The following LRCH1 variants were observed in gnomAD, a reference collection of about 807,000 sequenced individuals.
LRCH1 encodes the protein leucine rich repeats and calponin homology domain containing 1.
Under a neutral mutation model 94.9 loss-of-function variants are expected in LRCH1, and 23 were observed. That is an observed-to-expected ratio of 0.24 (90% CI 0.17 to 0.34). The LOEUF is 0.34. LRCH1 is among the 10% of genes least tolerant of loss of function. The pLI, the probability that LRCH1 is intolerant of heterozygous loss-of-function variation, is 1.00. For missense variants in LRCH1, 790 were observed against 945.9 expected (o/e 0.84, Z 2.16); for synonymous variants, 364 against 354.9 (o/e 1.03, Z -0.29).
intron 3 of LRCH1, among the ~76,000 whole-genome samples, chr13:46,672,483 C>G (rs1336899838): frequency 6.6e-6 from 1 of 152,090 alleles, no homozygotes; most frequent in Non-Finnish European, 1.5e-5. Flanking sequence ...CAGCTGTGCT[C>G]TAGAGCTGTG....
chr13:46,669,905 A>T (rs1039005159), intron 3 of LRCH1, among the ~76,000 whole-genome samples: 1 of 152,234 alleles, frequency 6.6e-6, no homozygotes, highest in African/African-American at 2.4e-5. Flanking sequence ...TGTCAGGCAC[A>T]GGGCTTGATG....
chr13:46,588,892 C>T (rs191214023), intron 1 of LRCH1, among the ~76,000 whole-genome samples: 91 of 152,002 alleles, frequency 6.0e-4, no homozygotes, highest in African/African-American at 2.2e-3. Flanking sequence ...TGTGAGCAAC[C>T]GTGCCCAGCC....
downstream of LRCH1, among the ~76,000 whole-genome samples, chr13:46,747,517 C>T (rs779374520): frequency 6.6e-6 from 1 of 152,226 alleles, no homozygotes; most frequent in Non-Finnish European, 1.5e-5. Flanking sequence ...GTGTCGTTCA[C>T]AGAGATTAGG....
chr13:46,584,994 A>G (rs775773601), intron 1 of LRCH1, among the ~76,000 whole-genome samples: 1 of 148,468 alleles, frequency 6.7e-6, no homozygotes, highest in South Asian at 2.4e-4. Context: ...ATGAAAGAGC[A>G]GAGAATTCTC....
intron 3 of LRCH1, among the ~76,000 whole-genome samples, chr13:46,673,420 A>G (rs2138126210): frequency 6.6e-6 from 1 of 152,346 alleles, no homozygotes; most frequent in East Asian, 1.9e-4. Flanking sequence ...TTTTCCATCC[A>G]TTCTCACTTA....
At chr13:46,626,556 G>A (rs1253406395) in intron 1 of LRCH1, among the ~76,000 whole-genome samples, 3 of 152,062 alleles carry the variant, frequency 2.0e-5, no homozygotes, top group African/African-American at 7.3e-5. Context: ...TAACTTCACC[G>A]CCTATCCCAA....
At chr13:46,711,185 T>G (rs943285754) in intron 13 of LRCH1, among the ~76,000 whole-genome samples, 11 of 152,224 alleles carry the variant, frequency 7.2e-5, no homozygotes, top group Admixed American at 6.5e-4. Context: ...TGGTATTCAG[T>G]GATGCTACCA....
intron 1 of LRCH1, among the ~76,000 whole-genome samples, chr13:46,638,865 A>G (rs2051124638): frequency 6.6e-6 from 1 of 152,200 alleles, no homozygotes; most frequent in African/African-American, 2.4e-5. Context: ...GATCCTCTTT[A>G]CCTTTGCAAG....
chr13:46,730,812 C>A (rs1261364387), intron 18 of LRCH1, among the ~76,000 whole-genome samples: 2 of 152,156 alleles, frequency 1.3e-5, no homozygotes, highest in Non-Finnish European at 2.9e-5. Flanking sequence ...GAGAGAGACA[C>A]AACAGACACC....
intron 1 of LRCH1, among the ~76,000 whole-genome samples, chr13:46,642,174 GTCAC>G (rs2051165775): frequency 2.0e-5 from 3 of 152,226 alleles, no homozygotes; most frequent in Non-Finnish European, 4.4e-5. Context: ...CTGGCCAGAG[GTCAC>G]TTACTTTTAG....
intron 2 of LRCH1, among the ~76,000 whole-genome samples, chr13:46,665,654 G>A (rs1375805211): frequency 1.3e-5 from 2 of 152,180 alleles, no homozygotes; most frequent in African/African-American, 2.4e-5. Context: ...CAGGGACAGT[G>A]ACAAAGAGAC....
chr13:46,627,441 A>G (rs537453348), intron 1 of LRCH1, among the ~76,000 whole-genome samples: 2 of 142,882 alleles, frequency 1.4e-5, no homozygotes, highest in South Asian at 4.7e-4. Flanking sequence ...TTTTAATTTG[A>G]CAGATAAAAA....
rs894022651 is a variant in LRCH1, at chr13:46,736,754, T to TAC, written c.2085+2768_2085+2769dup. 3.9e-5 allele frequency among the ~76,000 whole-genome samples: 6 copies of TAC among 152,110 alleles called. No homozygotes were observed. In the South Asian group the frequency reaches 6.2e-4, roughly 16 times the overall value. ...TCTACTTCTCCATCTATAACTTATC[T>TAC]ACACACACACACAAGCCACAGAGAT... On this transcript the variant is annotated intron_variant, in intron 19 of 19. Coordinates refer to ENST00000389797, the MANE Select transcript of LRCH1 (RefSeq NM_001164211.2).
intron 1 of LRCH1, among the ~76,000 whole-genome samples, chr13:46,576,799 A>C (rs1331357955): frequency 6.6e-6 from 1 of 152,178 alleles, no homozygotes; most frequent in Non-Finnish European, 1.5e-5. Flanking sequence ...ATTACTTCAT[A>C]AGAAATTGCC....
At chr13:46,613,317 GA>G (rs1335531187) in intron 1 of LRCH1, among the ~76,000 whole-genome samples, 1 of 151,984 alleles carries the variant, frequency 6.6e-6, no homozygotes, top group Non-Finnish European at 1.5e-5. Flanking sequence ...TTGAACCAGG[GA>G]GTCAGAGGTT....
intron 1 of LRCH1, among the ~76,000 whole-genome samples, chr13:46,561,217 A>G (rs2050126492): frequency 6.6e-6 from 1 of 152,250 alleles, no homozygotes; most frequent in Non-Finnish European, 1.5e-5. Context: ...TCAACTGACT[A>G]TACCTGAAAT....
At chr13:46,733,870 A>G in intron 18 of LRCH1, 51 bp from the exon 19 acceptor site, 1 of 1,132,096 alleles carries the variant, frequency 8.8e-7, no homozygotes, top group South Asian at 1.5e-5. Flanking sequence ...ATGTTATTAA[A>G]ATGGTTTCTC....
At chr13:46,709,080 T>C (rs1871925691) in intron 13 of LRCH1, among the ~76,000 whole-genome samples, 1 of 152,214 alleles carries the variant, frequency 6.6e-6, no homozygotes, top group Non-Finnish European at 1.5e-5. Flanking sequence ...CTGCAAACAC[T>C]CCATCATTTA....
exon 19 of LRCH1, chr13:46,752,792 A>G (rs1197595362): frequency 6.6e-6 from 1 of 152,024 alleles, no homozygotes; most frequent in African/African-American, 2.4e-5. Flanking sequence ...TTCTTTTGAT[A>G]TTAATTTTTA....
Sources: allele counts gnomAD v4.1 joint callset (sites outside exome capture counted in the v4.1 genomes callset), GRCh38; gene constraint gnomAD v4.1.1; transcripts MANE v1.5; gene names NCBI Gene and HGNC (gene_info 2026-07-23, HGNC 2026-07-21).